The following SLC5A8 variants were observed in gnomAD, a reference collection of about 807,000 sequenced individuals.
SLC5A8 encodes the protein sodium-coupled monocarboxylate transporter 1.
In SLC5A8, 55 loss-of-function variants were observed where a neutral mutation model predicts 71.9. The observed-to-expected ratio is 0.77, with a 90% CI of 0.62 to 0.96. The LOEUF is 0.96. Ranked by LOEUF, SLC5A8 falls within the 40% of genes least tolerant of loss-of-function variation. The pLI is 0.00. For synonymous variants in SLC5A8, 307 were observed against 276.1 expected, an observed-to-expected ratio of 1.11 and a Z score of -1.11; for missense variants, 701 against 745.3, an observed-to-expected ratio of 0.94 and a Z score of 0.69.
intron 8 of SLC5A8, among the ~76,000 whole-genome samples, chr12:101,183,233 G>A (rs992030777): frequency 2.0e-5 from 3 of 151,860 alleles, no homozygotes; most frequent in Admixed American, 6.5e-5. Context: ...TTTTAGTAGA[G>A]ACAGGGTTTC....
At chr12:101,169,313 T>G (rs2051805677) in intron 10 of SLC5A8, among the ~76,000 whole-genome samples, 3 of 152,168 alleles carry the variant, frequency 2.0e-5, no homozygotes, top group Admixed American at 2.0e-4. Flanking sequence ...ATGACTTTGC[T>G]AGAACATGTC....
rs114839503 is a variant in SLC5A8 at position 101,180,889 on chromosome 12, G to C, written c.1166-793C>G. 5.2e-3 allele frequency among the ~76,000 whole-genome samples: 796 copies of C among 152,130 alleles called. 6 individuals are homozygous for C. The highest frequency in any genetic ancestry group is 0.018 in the African/African-American group (755 of 41,482). The stretch of plus-strand genomic sequence containing the variant: ...TATAAAAGTTTTCAAACCACCACTG[G>C]TGGTCAGATTGTGGAATATTTTTTT... On this transcript the variant is annotated intron_variant, in intron 9 of 14. Transcript: ENST00000536262.
intron 3 of SLC5A8, chr12:101,199,144 G>T (rs1869325130): frequency 1.3e-5 from 2 of 151,964 alleles, no homozygotes; most frequent in Middle Eastern, 3.4e-3. Flanking sequence ...AATGACATTT[G>T]CAATAGCATA....
intron 10 of SLC5A8, 44 bp downstream of exon 10, chr12:101,179,985 G>T (rs946021497): frequency 1.2e-6 from 2 of 1,601,498 alleles, no homozygotes; most frequent in Admixed American, 3.3e-5. Flanking sequence ...ATTGAAAAAA[G>T]ATTTAGTGAT....
chr12:101,159,140 G>A (rs988739674), intron 13 of SLC5A8, among the ~76,000 whole-genome samples: 2 of 152,024 alleles, frequency 1.3e-5, no homozygotes, highest in African/African-American at 4.8e-5. Context: ...CTGCAGGTAG[G>A]ACCCCTGAAG....
At chr12:101,205,030 C>T (rs1475865280) in intron 1 of SLC5A8, among the ~76,000 whole-genome samples, 1 of 152,216 alleles carries the variant, frequency 6.6e-6, no homozygotes, top group Non-Finnish European at 1.5e-5. Context: ...TCACCTGGGG[C>T]ATCAACCCTT....
intron 7 of SLC5A8, among the ~76,000 whole-genome samples, chr12:101,185,071 A>G (rs1351528873): frequency 6.6e-6 from 1 of 152,188 alleles, no homozygotes; most frequent in African/African-American, 2.4e-5. Flanking sequence ...ATCGGCTTCC[A>G]TAGCCTCTTC....
intron 10 of SLC5A8, among the ~76,000 whole-genome samples, chr12:101,174,765 G>A (rs1002355901): frequency 1.4e-4 from 21 of 152,132 alleles, no homozygotes; most frequent in African/African-American, 5.1e-4. Flanking sequence ...ATAACAAGGA[G>A]CTCCTCCCTC....
Position 101,209,481 on chromosome 12 carries a change from C to T in SLC5A8, c.351+17G>A. 4 of 1,470,344 alleles carry T rather than the reference C, an allele frequency of 2.7e-6. No homozygotes were observed. Among genetic ancestry groups the T allele is most frequent in the Non-Finnish European group, 3.7e-6 (4 of 1,072,890 alleles). The allele number at this position is 1,470,344 out of a possible 1,614,324, so 91.1% of individuals were successfully genotyped here. A position where few individuals can be genotyped will look rare whatever the true frequency, so the allele number is the denominator to read the frequency against. On this transcript the variant is annotated intron_variant, in intron 1 of 14. Transcript: ENST00000536262. ...TCCCCCGCGCCCTGCATGGTCCCAG[C>T]CCACCCTGCCCCTTACCTCGTAGGT...
intron 6 of SLC5A8, 78 bp from the exon 7 acceptor site, chr12:101,187,593 A>C: frequency 6.9e-7 from 1 of 1,439,140 alleles, no homozygotes; most frequent in Non-Finnish European, 9.3e-7. Context: ...TACATGATCA[A>C]AAGAGACCTT....
intron 10 of SLC5A8, among the ~76,000 whole-genome samples, chr12:101,178,671 G>C (rs569525804): frequency 9.9e-5 from 15 of 152,216 alleles, no homozygotes; most frequent in Admixed American, 9.8e-4. Flanking sequence ...AGGGATTGTA[G>C]ACTTAAATAT....
At position 101,183,035 on chromosome 12, in the gene SLC5A8, C is replaced by CTTTTTTTTTTTT. The variant is rs34182928; in HGVS notation, c.1053-132_1053-121dup. ...AAAATATAACCTGATTTCTACTATG[C>CTTTTTTTTTTTT]TTTTTTTTTTTTTTTTTTTTTTTTT... On this transcript the variant is annotated intron_variant, in intron 8 of 14. Transcript: ENST00000536262. 20 of 73,548 alleles carry CTTTTTTTTTTTT rather than the reference C, an allele frequency of 2.7e-4. 3 individuals are homozygous for CTTTTTTTTTTTT. The highest frequency in any genetic ancestry group is 8.4e-4 in the African/African-American group (14 of 16,596). The allele number at this position is 73,548 out of a possible 1,614,324, so 4.6% of individuals were successfully genotyped here.
At chr12:101,170,965 C>T (rs1332415116) in intron 10 of SLC5A8, among the ~76,000 whole-genome samples, 1 of 152,198 alleles carries the variant, frequency 6.6e-6, no homozygotes, top group Non-Finnish European at 1.5e-5. Context: ...GAGTCTTGTA[C>T]ACCGTCTGAT....
chr12:101,184,788 A>G (rs563416422), intron 7 of SLC5A8, among the ~76,000 whole-genome samples: 1 of 152,312 alleles, frequency 6.6e-6, no homozygotes, highest in East Asian at 1.9e-4. Flanking sequence ...GTGGAGAATG[A>G]CTTCAGGAAA....
At chr12:101,171,526 C>A (rs765424485) in intron 10 of SLC5A8, among the ~76,000 whole-genome samples, 1 of 152,016 alleles carries the variant, frequency 6.6e-6, no homozygotes, top group Non-Finnish European at 1.5e-5. Context: ...GAGTTGGTGG[C>A]GCCCTTGGAA....
At chr12:101,208,417 A>G (rs1025941420) in intron 1 of SLC5A8, among the ~76,000 whole-genome samples, 1 of 152,164 alleles carries the variant, frequency 6.6e-6, no homozygotes, top group Non-Finnish European at 1.5e-5. Context: ...GTAATGGCCT[A>G]ATAGAGAGGA....
intron 7 of SLC5A8, among the ~76,000 whole-genome samples, chr12:101,186,139 T>A (rs1209862043): frequency 6.6e-6 from 1 of 151,832 alleles, no homozygotes; most frequent in Non-Finnish European, 1.5e-5. Flanking sequence ...AACTTTTTTT[T>A]AAAGTCGTTA....
At chr12:101,161,739 G>A (rs1047727436) in intron 13 of SLC5A8, among the ~76,000 whole-genome samples, 4 of 152,336 alleles carry the variant, frequency 2.6e-5, no homozygotes, top group Non-Finnish European at 5.9e-5. Context: ...GCTCAGTGTA[G>A]CTATGTGACT....
In SLC5A8 at chr12:101,184,203, A is replaced by G. The variant is rs1377634544; in HGVS notation, c.983T>C (p.Leu328Pro). The G allele has an allele frequency of 1.2e-6, 2 of 1,614,200 alleles. No individual in the cohort carries two copies. The highest frequency in any genetic ancestry group is 1.7e-6 in the Non-Finnish European group (2 of 1,180,024). The change falls in exon 8 of 15, where the codon CTG becomes CCG. Residue 328 changes from leucine (L) to proline (P), a missense_variant. Transcript: ENST00000536262. ...APDQLMPYLVLDILQDYPGLP... is the reference protein window; with the variant it reads ...APDQLMPYLVPDILQDYPGLP... ...TCCTGGATAATCTTGCAGAATGTCC[A>G]GTACCAAATAAGGCATGAGCTGAAA...
Sources: allele counts gnomAD v4.1 joint callset (sites outside exome capture counted in the v4.1 genomes callset), GRCh38; gene constraint gnomAD v4.1.1; transcripts MANE v1.5; gene names NCBI Gene and HGNC (gene_info 2026-07-23, HGNC 2026-07-21).